SAR1B: variants seen among roughly 807,000 people sequenced by gnomAD.
SAR1B encodes secretion associated Ras related GTPase 1B.
SAR1B carries 23 observed loss-of-function variants against 26.8 expected under a neutral mutation model. That is an observed-to-expected ratio of 0.86 (90% confidence interval 0.62 to 1.22). The LOEUF (loss-of-function observed/expected upper bound fraction) is 1.22, where lower values mean the gene tolerates loss of function less well. SAR1B is among the 50% of genes most tolerant of loss of function. The pLI, the probability that SAR1B is intolerant of heterozygous loss-of-function variation, is 0.00. For missense variants in SAR1B, 196 were observed against 232.8 expected (o/e 0.84, Z 1.03); for synonymous variants, 65 against 80.8 (o/e 0.80, Z 1.05).
intron 1 of SAR1B, chr5:134,632,144 G>A (rs1446497215): frequency 1.3e-5 from 2 of 152,198 alleles, no homozygotes; most frequent in African/African-American, 4.8e-5. Context: ...GGAGCTTGCA[G>A]TAAGCCGAGA....
Position 134,626,278 on chromosome 5 carries a change from C to G in SAR1B, c.-18-2241G>C, listed in dbSNP as rs111497133. Among the ~76,000 whole-genome samples the G allele has an allele frequency of 4.9e-3, 572 of 116,638 alleles. 4 individuals carry two copies. Among genetic ancestry groups the G allele is most frequent in the African/African-American group, 0.018 (543 of 29,852 alleles). The allele number at this position is 116,638 out of a possible 152,430, so 76.5% of individuals were successfully genotyped here. ...CGAGCCACTGCACCACAGCCTGGGC[C>G]ACAGAGCAAGACTCTGCCTCAAAAA... is the stretch of plus-strand genomic sequence containing the variant. On this transcript the variant is annotated intron_variant, in intron 1 of 6. Coordinates refer to ENST00000402673, the MANE Select transcript of SAR1B (RefSeq NM_016103.4).
intron 3 of SAR1B, among the ~76,000 whole-genome samples, chr5:134,619,267 G>A (rs1487575816): frequency 6.7e-6 from 1 of 150,146 alleles, no homozygotes; most frequent in Non-Finnish European, 1.5e-5. Context: ...GAAGGCAGAG[G>A]TTGCAGTGAG....
In SAR1B at chr5:134,603,721, C is replaced by T. The variant is rs1191081104; in HGVS notation, c.*3229G>A. 1 of 152,236 alleles carries T rather than the reference C, an allele frequency of 6.6e-6. No homozygotes were observed. The highest frequency in any genetic ancestry group is 1.5e-5 in the Non-Finnish European group (1 of 68,092). The allele number at this position is 152,236 out of a possible 1,614,324, so 9.4% of individuals were successfully genotyped here. ...GGCTGAGGCAGGAGAATCACTTGAA[C>T]CCCGGAGGTGGAGGTTGCAGTAAGC... is the stretch of plus-strand genomic sequence containing the variant. On this transcript the variant is annotated 3_prime_UTR_variant, in exon 7 of 7. Coordinates refer to ENST00000402673, the MANE Select transcript of SAR1B (RefSeq NM_016103.4).
At chr5:134,609,247 C>T in intron 5 of SAR1B, 1 of 419,560 alleles carries the variant, frequency 2.4e-6, no homozygotes, top group Non-Finnish European at 4.5e-6. Flanking sequence ...AGCATCTTAG[C>T]ATGACCAGGG....
At chr5:134,616,767 A>C (rs1765322998) in intron 3 of SAR1B, among the ~76,000 whole-genome samples, 1 of 152,208 alleles carries the variant, frequency 6.6e-6, no homozygotes, top group African/African-American at 2.4e-5. Flanking sequence ...ATTTCATATA[A>C]ATGGTATCAT....
chr5:134,623,121 C>CAA (rs70976543), intron 2 of SAR1B, among the ~76,000 whole-genome samples: 1,261 of 113,722 alleles, frequency 0.011, 14 homozygotes, highest in Middle Eastern at 0.028. Flanking sequence ...GACTCTGTCT[C>CAA]AAAAAAAAAA....
At chr5:134,610,756 C>A (rs535753897) in intron 4 of SAR1B, among the ~76,000 whole-genome samples, 163 of 151,254 alleles carry the variant, frequency 1.1e-3, no homozygotes, top group Middle Eastern at 3.4e-3. Context: ...TAAAAAAAAA[C>A]CAAAACAAAA....
chr5:134,615,271 C>A (rs1765289106), intron 3 of SAR1B, among the ~76,000 whole-genome samples: 1 of 151,190 alleles, frequency 6.6e-6, no homozygotes, highest in South Asian at 2.1e-4. Flanking sequence ...TCGCTTGAAC[C>A]CTGGCGGCAG....
At chr5:134,618,571 A>G (rs962550484) in intron 3 of SAR1B, among the ~76,000 whole-genome samples, 2 of 152,244 alleles carry the variant, frequency 1.3e-5, no homozygotes, top group Non-Finnish European at 2.9e-5. Flanking sequence ...TCTGATTCAT[A>G]AAATTTTCAC....
At chr5:134,609,437 C>T (rs1765178734) in intron 5 of SAR1B, 134 bp downstream of exon 5, 1 of 729,810 alleles carries the variant, frequency 1.4e-6, no homozygotes, top group Non-Finnish European at 2.5e-6. Context: ...AAAGCAATCA[C>T]TGAGCTCAAC....
intron 1 of SAR1B, among the ~76,000 whole-genome samples, chr5:134,627,800 A>G (rs1765520270): frequency 1.2e-5 from 1 of 83,668 alleles, no homozygotes; most frequent in Non-Finnish European, 2.5e-5. Context: ...CTCCATCCCA[A>G]AAAATAAATA....
At chr5:134,608,078 T>C (rs952965879) in intron 6 of SAR1B, among the ~76,000 whole-genome samples, 1 of 152,178 alleles carries the variant, frequency 6.6e-6, no homozygotes, top group African/African-American at 2.4e-5. Context: ...CTCAAATATA[T>C]CGTTTGGTGG....
chr5:134,605,519 G>C lies in SAR1B; in HGVS notation c.*1431C>G, dbSNP rs568705430. 9.2e-5 allele frequency: 14 copies of C among 152,046 alleles called. No individual in the cohort carries two copies. The highest frequency in any genetic ancestry group is 3.4e-4 in the African/African-American group (14 of 41,514). The allele number at this position is 152,046 out of a possible 1,614,324, so 9.4% of individuals were successfully genotyped here. A position where few individuals can be genotyped will look rare whatever the true frequency, so the allele number is the denominator to read the frequency against. ...GCAAGCATAATATCTAAAAACAAAAGTCAGGTCAGGCATGGTAGCTCACGC... is the reference window on the plus strand; with the variant it reads ...GCAAGCATAATATCTAAAAACAAAACTCAGGTCAGGCATGGTAGCTCACGC... On this transcript the variant is annotated 3_prime_UTR_variant, in exon 7 of 7. Transcript: ENST00000402673.
intron 3 of SAR1B, among the ~76,000 whole-genome samples, chr5:134,616,851 T>C (rs1765324237): frequency 6.6e-6 from 1 of 152,264 alleles, no homozygotes; most frequent in African/African-American, 2.4e-5. Flanking sequence ...GGTTTATTCA[T>C]CTTTCTTGCT....
intron 5 of SAR1B, chr5:134,609,020 C>A (rs1243366561): frequency 4.4e-6 from 2 of 451,970 alleles, no homozygotes; most frequent in South Asian, 3.1e-5. Flanking sequence ...CTGCTCTGGG[C>A]AGAGCCATGG....
intron 5 of SAR1B, chr5:134,608,966 T>C (rs1765171950): frequency 2.5e-6 from 1 of 399,884 alleles, no homozygotes; most frequent in Non-Finnish European, 5.0e-6. Context: ...TTTGTAACCA[T>C]AGAACCTACC....
In SAR1B at chr5:134,612,679, A is replaced by AAAAAAAAAAT; in HGVS notation, c.244+11_244+12insATTTTTTTTT. 1.4e-5 allele frequency: 14 copies of AAAAAAAAAAT among 991,756 alleles called. No homozygotes were observed. Among genetic ancestry groups the AAAAAAAAAAT allele is most frequent in the South Asian group, 2.2e-5 (1 of 45,286 alleles). The allele number at this position is 991,756 out of a possible 1,614,324, so 61.4% of individuals were successfully genotyped here. On this transcript the variant is annotated intron_variant, in intron 4 of 6. Coordinates refer to ENST00000402673, the MANE Select transcript of SAR1B (RefSeq NM_016103.4). ...AAAAAAAAAAAAAAAAAAAAAAAAA[A>AAAAAAAAAAT]AAGAATCTTACCTTGAACATGTCCA...
In SAR1B at chr5:134,624,753, G is replaced by A. The variant is rs1171861499; in HGVS notation, c.-18-716C>T. Among the ~76,000 whole-genome samples, 5 of 151,060 alleles carry A rather than the reference G, an allele frequency of 3.3e-5. No homozygotes were observed. The East Asian group carries it at 5.9e-4, about 18-fold the overall frequency. ...AGCGATCCTTCTGCCTCAGCCTCTC[G>A]AGTAGCTGGGATTACAGGCAGGCAC... On this transcript the variant is annotated intron_variant, in intron 1 of 6. Coordinates refer to ENST00000402673, the MANE Select transcript of SAR1B (RefSeq NM_016103.4).
chr5:134,626,321 A>T (rs528092935), intron 1 of SAR1B, among the ~76,000 whole-genome samples: 1 of 143,860 alleles, frequency 7.0e-6, no homozygotes, highest in Non-Finnish European at 1.5e-5. Context: ...AAAAAAAAAA[A>T]AAAAAAAAAT....
Sources: allele counts gnomAD v4.1 joint callset (sites outside exome capture counted in the v4.1 genomes callset), GRCh38; gene constraint gnomAD v4.1.1; transcripts MANE v1.5; gene names NCBI Gene and HGNC (gene_info 2026-07-23, HGNC 2026-07-21).